ROBO1: variants seen among roughly 807,000 people sequenced by gnomAD.
ROBO1 encodes the protein roundabout homolog 1.
Under a neutral mutation model 195.9 loss-of-function variants are expected in ROBO1, and 149 were observed. The observed-to-expected ratio is 0.76, with a 90% CI of 0.67 to 0.87. ROBO1 has a LOEUF of 0.87. Ranked by LOEUF, ROBO1 falls within the 40% of genes least tolerant of loss-of-function variation. ROBO1 has a pLI of 0.00. For missense variants in ROBO1, 1,933 were observed against 2,068.3 expected (o/e 0.93, Z 1.27); for synonymous variants, 816 against 733.2 (o/e 1.11, Z -1.82).
chr3:79,044,791 T>A (rs937256435), intron 3 of ROBO1, among the ~76,000 whole-genome samples: 1 of 152,060 alleles, frequency 6.6e-6, no homozygotes, highest in South Asian at 2.1e-4. Flanking sequence ...TTTTCTTTTT[T>A]TAAAAAAAAA....
chr3:79,523,420 A>G (rs1198861076), intron 2 of ROBO1, among the ~76,000 whole-genome samples: 2 of 151,384 alleles, frequency 1.3e-5, no homozygotes, highest in African/African-American at 4.8e-5. Context: ...AAAATTGTTC[A>G]CCAAAAAAGC....
chr3:79,593,202 T>A (rs1238973730), intron 1 of ROBO1, among the ~76,000 whole-genome samples: 8 of 152,098 alleles, frequency 5.3e-5, no homozygotes, highest in Admixed American at 3.9e-4. Flanking sequence ...CAATTATGAA[T>A]AAAGCTGGAA....
intron 2 of ROBO1, among the ~76,000 whole-genome samples, chr3:79,168,942 G>A (rs1263976254): frequency 6.6e-6 from 1 of 152,162 alleles, no homozygotes; most frequent in African/African-American, 2.4e-5. Flanking sequence ...TTGAAAACTT[G>A]AAGAATTAAG....
chr3:78,822,237 T>C (rs570268873), intron 4 of ROBO1, among the ~76,000 whole-genome samples: 8 of 152,134 alleles, frequency 5.3e-5, no homozygotes, highest in African/African-American at 1.7e-4. Flanking sequence ...AAAATGAAGC[T>C]CTTGGAATGT....
At chr3:78,699,395 C>CAAAAAAAAAAAAAAAAAA (rs60574193) in intron 8 of ROBO1, among the ~76,000 whole-genome samples, 2 of 83,052 alleles carry the variant, frequency 2.4e-5, no homozygotes, top group African/African-American at 4.7e-5. Context: ...ACTAAAAATA[C>CAAAAAAAAAAAAAAAAAA]AAAAAAAAAA....
intron 1 of ROBO1, among the ~76,000 whole-genome samples, chr3:79,594,120 C>T (rs1944089963): frequency 6.6e-6 from 1 of 151,952 alleles, no homozygotes; most frequent in African/African-American, 2.4e-5. Context: ...TAAGAATCCT[C>T]TCAACAAGAA....
chr3:79,214,347 G>A (rs577467575), intron 2 of ROBO1, among the ~76,000 whole-genome samples: 8 of 152,096 alleles, frequency 5.3e-5, no homozygotes, highest in Admixed American at 5.2e-4. Context: ...GGTGTTTTTC[G>A]CTTCTCTGTA....
chr3:78,722,001 A>T lies in ROBO1; in HGVS notation c.658-4118T>A, dbSNP rs541425344. Among the ~76,000 whole-genome samples, 264 of 152,232 alleles carry T rather than the reference A, an allele frequency of 1.7e-3. 1 individual carries two copies. The highest frequency in any genetic ancestry group is 6.1e-3 in the African/African-American group (255 of 41,558). On this transcript the variant is annotated intron_variant, in intron 5 of 30. Coordinates refer to ENST00000464233, the MANE Select transcript of ROBO1 (RefSeq NM_002941.4). ...TTCCAATTTCAAGATGAATGGGAGG[A>T]AACAATAGCTGAGGTAAACCAAAAT... is the stretch of plus-strand genomic sequence containing the variant.
intron 3 of ROBO1, among the ~76,000 whole-genome samples, chr3:79,054,767 A>C (rs2108378835): frequency 6.6e-6 from 1 of 152,252 alleles, no homozygotes; most frequent in East Asian, 1.9e-4. Context: ...CACTCTAAGT[A>C]TGATATAGAT....
chr3:79,514,248 T>A (rs1355299745), intron 2 of ROBO1, among the ~76,000 whole-genome samples: 1 of 152,132 alleles, frequency 6.6e-6, no homozygotes, highest in African/African-American at 2.4e-5. Flanking sequence ...GAGCTTAACT[T>A]TTATTTGGGG....
At chr3:79,529,068 G>T (rs531268850) in intron 2 of ROBO1, among the ~76,000 whole-genome samples, 11 of 152,254 alleles carry the variant, frequency 7.2e-5, no homozygotes, top group African/African-American at 2.6e-4. Context: ...ACAATGCCTT[G>T]TAAGACTTTT....
chr3:79,448,774 T>C (rs758579423), intron 2 of ROBO1, among the ~76,000 whole-genome samples: 11 of 152,194 alleles, frequency 7.2e-5, no homozygotes, highest in Non-Finnish European at 1.0e-4. Context: ...ACAGATTCCA[T>C]AAGTATCAAC....
At chr3:79,742,639 A>T (rs995997991) in intron 1 of ROBO1, among the ~76,000 whole-genome samples, 10 of 152,134 alleles carry the variant, frequency 6.6e-5, no homozygotes, top group African/African-American at 2.4e-4. Context: ...GTACTGAGTC[A>T]ATTAAGCCTC....
At chr3:79,421,360 C>G (rs2038216057) in intron 2 of ROBO1, among the ~76,000 whole-genome samples, 1 of 151,872 alleles carries the variant, frequency 6.6e-6, no homozygotes, top group Non-Finnish European at 1.5e-5. Flanking sequence ...GCACATGTAC[C>G]CTCATTCTAA....
rs143527202 is a variant in ROBO1 at position 79,689,781 on chromosome 3, G to A, written c.-51+77971C>T. Among the ~76,000 whole-genome samples the A allele has an allele frequency of 5.7e-3, 865 of 151,932 alleles. 6 individuals carry two copies. Among genetic ancestry groups the A allele is most frequent in the African/African-American group, 0.018 (749 of 41,462 alleles). ...TACTTTTATGGAGTTATAAAGTCTGGGTTCATGTTTTCCTGGTTGAAAACA... is the reference window on the plus strand; with the variant it reads ...TACTTTTATGGAGTTATAAAGTCTGAGTTCATGTTTTCCTGGTTGAAAACA... On this transcript the variant is annotated intron_variant, in intron 1 of 30. Transcript: ENST00000464233.
intron 1 of ROBO1, among the ~76,000 whole-genome samples, chr3:79,708,850 G>C (rs1276963089): frequency 6.6e-6 from 1 of 152,154 alleles, no homozygotes; most frequent in African/African-American, 2.4e-5. Flanking sequence ...CTGGGCAACA[G>C]AGCGAGTCCT....
intron 2 of ROBO1, among the ~76,000 whole-genome samples, chr3:79,463,999 T>C (rs576188787): frequency 6.6e-6 from 1 of 152,324 alleles, no homozygotes; most frequent in South Asian, 2.1e-4. Context: ...ATTTGCCTTT[T>C]CCGAACATTT....
chr3:78,775,584 T>C (rs2083484285), intron 4 of ROBO1, among the ~76,000 whole-genome samples: 1 of 152,196 alleles, frequency 6.6e-6, no homozygotes, highest in South Asian at 2.1e-4. Context: ...GAAGAAGCAA[T>C]GACACCTGTC....
intron 2 of ROBO1, among the ~76,000 whole-genome samples, chr3:79,243,098 C>G (rs562116532): frequency 3.9e-4 from 58 of 149,902 alleles, no homozygotes; most frequent in African/African-American, 1.4e-3. Context: ...GTTTTTTGTC[C>G]TTGCGATAGT....
Sources: gnomAD v4.1 joint callset for allele counts (sites outside exome capture counted in the v4.1 genomes callset) on GRCh38, gnomAD v4.1.1 for gene constraint, MANE v1.5 for transcripts, NCBI Gene and HGNC (gene_info 2026-07-23, HGNC 2026-07-21) for gene names.